CEP85: variants seen among roughly 807,000 people sequenced by gnomAD.
The protein encoded by CEP85 is centrosomal protein of 85 kDa.
In CEP85, 58 loss-of-function variants were observed where a neutral mutation model predicts 93.7. The observed-to-expected ratio is 0.62, with a 90% CI of 0.50 to 0.77. The LOEUF (loss-of-function observed/expected upper bound fraction) is 0.77, where lower values mean the gene tolerates loss of function less well. Among genes scored for constraint, CEP85 ranks in the 30% least tolerant of loss-of-function variants. The probability of loss-of-function intolerance (pLI) is 0.00; values close to 1 mark genes in which losing one functional copy is unlikely to be tolerated. For missense variants in CEP85, 868 were observed against 922.0 expected, an observed-to-expected ratio of 0.94 and a Z score of 0.76; for synonymous variants, 314 against 338.6, an observed-to-expected ratio of 0.93 and a Z score of 0.80.
At position 26,259,737 on chromosome 1, in the gene CEP85, A is replaced by C. The variant is rs776450883; in HGVS notation, c.1276A>C (p.Ile426Leu). 12 of 1,613,812 alleles carry C rather than the reference A, an allele frequency of 7.4e-6. No homozygotes were observed. In the South Asian group the frequency reaches 1.2e-4, roughly 16 times the overall value. Residue 426 changes from isoleucine (I) to leucine (L), a missense_variant, in exon 7 of 14, where the codon ATC becomes CTC. Transcript: ENST00000451429. Reference protein sequence around the residue: ...LSASEVEVQLIRESLKVALQK... With the variant: ...LSASEVEVQLLRESLKVALQK... ...TGCTTCTGAAGTTGAAGTCCAGCTC[A>C]TCAGAGAGTCGCTCAAAGTGGCGTT...
chr1:26,269,729 A>G, intron 9 of CEP85, 115 bp downstream of exon 9: 1 of 662,346 alleles, frequency 1.5e-6, no homozygotes, highest in Non-Finnish European at 2.4e-6. Flanking sequence ...TACTTATCTG[A>G]GCTTTGTTTT....
At chr1:26,241,194 A>G (rs186534510) in intron 2 of CEP85, among the ~76,000 whole-genome samples, 4 of 150,440 alleles carry the variant, frequency 2.7e-5, no homozygotes, top group African/African-American at 9.8e-5. Context: ...TGCATAGAGT[A>G]GGCACCATTA....
intron 4 of CEP85, among the ~76,000 whole-genome samples, chr1:26,257,355 A>G (rs2089723366): frequency 6.6e-6 from 1 of 152,214 alleles, no homozygotes; most frequent in Non-Finnish European, 1.5e-5. Context: ...TAGATAATAA[A>G]AGATAACTGA....
At chr1:26,239,923 G>A in intron 2 of CEP85, 85 bp downstream of exon 2, 1 of 1,005,428 alleles carries the variant, frequency 9.9e-7, no homozygotes, top group Admixed American at 1.9e-5. Context: ...GAACAAACAA[G>A]CATTCACTGA....
chr1:26,263,179 T>C (rs908111170), intron 7 of CEP85: 2 of 263,000 alleles, frequency 7.6e-6, no homozygotes, highest in Non-Finnish European at 1.5e-5. Flanking sequence ...CATCATGCTT[T>C]CAACAGTTGT....
In CEP85 at chr1:26,267,607, T is replaced by C. The variant is rs1249008075; in HGVS notation, c.1342-876T>C. Among the ~76,000 whole-genome samples, 10 of 152,202 alleles carry C rather than the reference T, an allele frequency of 6.6e-5. No individual in the cohort carries two copies. The East Asian group carries it at 1.9e-3, about 29-fold the overall frequency. ...ACAATTCAGGACCAGCCAAATGACA[T>C]AGGGTGAGGTCCAGGAGCATCCTGA... is the stretch of plus-strand genomic sequence containing the variant. On this transcript the variant is annotated intron_variant, in intron 7 of 13. Transcript: ENST00000451429.
intron 13 of CEP85, 49 bp downstream of exon 13, chr1:26,276,809 T>TCTTCTCTCCCCCATCCTGCTTTCC: frequency 5.0e-6 from 7 of 1,408,474 alleles, no homozygotes; most frequent in Non-Finnish European, 6.9e-6. Flanking sequence ...TCCTTCTTTC[T>TCTTCTCTCCCCCATCCTGCTTTCC]CTTCTCTCCC....
At chr1:26,272,616 C>CTT (rs1557668798) in intron 11 of CEP85, among the ~76,000 whole-genome samples, 5 of 116,854 alleles carry the variant, frequency 4.3e-5, no homozygotes, top group African/African-American at 1.5e-4. Flanking sequence ...TCTATTACAG[C>CTT]ATTTTTTTTT....
intron 11 of CEP85, among the ~76,000 whole-genome samples, chr1:26,273,626 G>T (rs954552984): frequency 6.6e-6 from 1 of 152,162 alleles, no homozygotes; most frequent in Non-Finnish European, 1.5e-5. Context: ...GCCGGACACG[G>T]TGGCTCACGC....
intron 4 of CEP85, 48 bp downstream of exon 4, chr1:26,255,913 A>G (rs2089692801): frequency 6.8e-7 from 1 of 1,464,652 alleles, no homozygotes; most frequent in Non-Finnish European, 9.2e-7. Flanking sequence ...TACAGTTCTT[A>G]GAATTGTAAT....
intron 3 of CEP85, among the ~76,000 whole-genome samples, chr1:26,247,502 G>A (rs2089529256): frequency 6.6e-6 from 1 of 152,160 alleles, no homozygotes; most frequent in East Asian, 1.9e-4. Flanking sequence ...CAAGGCTGAG[G>A]TGGGAAAATC....
chr1:26,271,125 G>A lies in CEP85; in HGVS notation c.1743+18G>A. On this transcript the variant is annotated intron_variant, in intron 10 of 13. Coordinates refer to ENST00000451429, the MANE Select transcript of CEP85 (RefSeq NM_001319944.2). Reference sequence around the variant, plus strand: ...TCCAAAAGGTGACTGAGGGTGTCCAGGCTGTAACGGAGGGTAGGCTGGGAG... The same window carrying A: ...TCCAAAAGGTGACTGAGGGTGTCCAAGCTGTAACGGAGGGTAGGCTGGGAG... 1.3e-6 allele frequency: 2 copies of A among 1,491,468 alleles called. No homozygotes were observed. The highest frequency in any genetic ancestry group is 1.1e-5 in the South Asian group (1 of 88,664). 92.4% of individuals were successfully genotyped at this position (1,491,468 alleles called of 1,614,324 possible). A position where few individuals can be genotyped will look rare whatever the true frequency, so the allele number is the denominator to read the frequency against.
chr1:26,257,499 A>G (rs560251745), intron 4 of CEP85, 98 bp from the exon 5 acceptor site: 2 of 1,437,030 alleles, frequency 1.4e-6, no homozygotes, highest in African/African-American at 2.8e-5. Flanking sequence ...GGCTGAGCCA[A>G]GTTGGGCTTT....
At chr1:26,261,341 A>T (rs1382974235) in intron 7 of CEP85, among the ~76,000 whole-genome samples, 4 of 151,772 alleles carry the variant, frequency 2.6e-5, no homozygotes, top group African/African-American at 9.7e-5. Flanking sequence ...GCGTGGTGGC[A>T]CATGCCTATA....
intron 12 of CEP85, among the ~76,000 whole-genome samples, chr1:26,275,827 A>C (rs1351371392): frequency 6.6e-6 from 1 of 152,216 alleles, no homozygotes; most frequent in African/African-American, 2.4e-5. Flanking sequence ...GACGGACTCT[A>C]TTCAGACTCT....
intron 3 of CEP85, among the ~76,000 whole-genome samples, chr1:26,251,346 G>A (rs1019960272): frequency 2.0e-5 from 3 of 150,726 alleles, no homozygotes; most frequent in Non-Finnish European, 4.4e-5. Context: ...CTGCCTCCCG[G>A]TTTCAGGCGA....
chr1:26,234,516 G>A (rs1281186706), intron 1 of CEP85, among the ~76,000 whole-genome samples: 1 of 152,186 alleles, frequency 6.6e-6, no homozygotes, highest in Non-Finnish European at 1.5e-5. Context: ...GCCTTGCTTT[G>A]CCGTCCGTGG....
At position 26,278,577 on chromosome 1, in the gene CEP85, AT is replaced by A; in HGVS notation, c.*1285del. 1 of 152,626 alleles carries A rather than the reference AT, an allele frequency of 6.6e-6. No homozygotes were observed. The highest frequency in any genetic ancestry group is 1.5e-5 in the Non-Finnish European group (1 of 68,056). 9.5% of individuals were successfully genotyped at this position (152,626 alleles called of 1,614,324 possible). On this transcript the variant is annotated 3_prime_UTR_variant, in exon 14 of 14. Transcript: ENST00000451429. Reference sequence around the variant, plus strand: ...TTGTGTTTTATTTATGGAGTGACTTATCCCTTCCATTCAGAGCAGCCCCACC... The same window carrying A: ...TTGTGTTTTATTTATGGAGTGACTTACCCTTCCATTCAGAGCAGCCCCACC...
intron 12 of CEP85, 56 bp from the exon 13 acceptor site, chr1:26,276,479 G>C: frequency 2.1e-6 from 3 of 1,400,526 alleles, no homozygotes; most frequent in Non-Finnish European, 2.0e-6. Context: ...CTCATGCACA[G>C]ATACTCTTCC....
Sources: allele counts gnomAD v4.1 joint callset (sites outside exome capture counted in the v4.1 genomes callset), GRCh38; gene constraint gnomAD v4.1.1; transcripts MANE v1.5; gene names NCBI Gene and HGNC (gene_info 2026-07-23, HGNC 2026-07-21).